Variants in HMX1 observed in about 807,000 individuals in gnomAD.
The protein encoded by HMX1 is H6 family homeobox 1, also known as homeobox protein HMX1.
Under a neutral mutation model 8.9 loss-of-function variants are expected in HMX1, and 8 were observed. That is an observed-to-expected ratio of 0.90 (90% CI 0.53 to 1.63). HMX1 has a LOEUF of 1.63. Ranked by LOEUF, HMX1 falls within the 40% of genes most tolerant of loss-of-function variation. HMX1 has a pLI of 0.00. For missense variants in HMX1, 621 were observed against 558.5 expected, an observed-to-expected ratio of 1.11 and a Z score of -1.13; for synonymous variants, 311 against 283.4, an observed-to-expected ratio of 1.10 and a Z score of -0.98.
In HMX1 at chr4:8,870,023, G is replaced by A. The variant is rs578215300; in HGVS notation, c.394+1198C>T. Among the ~76,000 whole-genome samples, 14 of 152,198 alleles carry A rather than the reference G, an allele frequency of 9.2e-5. No homozygotes were observed. The highest frequency in any genetic ancestry group is 6.2e-4 in the South Asian group (3 of 4,808). On this transcript the variant is annotated intron_variant, in intron 1 of 1. Coordinates refer to ENST00000400677, the MANE Select transcript of HMX1 (RefSeq NM_018942.3). The surrounding 1 kb of genome is among the most constrained non-coding windows in gnomAD (Gnocchi z 4.4). ...GGGTGGGGGCCTAGACTTCCTGAGT[G>A]TGGGTGCCGAGATGTGGGGGCTTTT...
intron 1 of HMX1, chr4:8,846,360 G>T: frequency 1.4e-6 from 2 of 1,466,114 alleles, no homozygotes; most frequent in Non-Finnish European, 9.2e-7. Flanking sequence ...GGGAGCACTA[G>T]TCATGTCTGC....
chr4:8,857,073 A>T (rs1721628674), intron 1 of HMX1, among the ~76,000 whole-genome samples: 1 of 152,202 alleles, frequency 6.6e-6, no homozygotes, highest in Non-Finnish European at 1.5e-5. Context: ...GACACAGCGG[A>T]CCATCTCAAT....
At chr4:8,852,244 A>C (rs1257291048) in intron 1 of HMX1, among the ~76,000 whole-genome samples, 1 of 152,254 alleles carries the variant, frequency 6.6e-6, no homozygotes, top group Admixed American at 6.5e-5. Flanking sequence ...CTCAGCCAGC[A>C]AGGCAGACAT....
At position 8,848,576 on chromosome 4, in the gene HMX1, G is replaced by A. The variant is rs1308012182; in HGVS notation, c.395-2252C>T. Among the ~76,000 whole-genome samples the A allele has an allele frequency of 5.5e-4, 84 of 152,326 alleles. 2 individuals carry two copies. The highest frequency in any genetic ancestry group is 1.0e-4 in the Non-Finnish European group (7 of 68,018). On this transcript the variant is annotated intron_variant, in intron 1 of 1. Coordinates refer to the HMX1 transcript ENST00000506970. This position sits in a 1 kb window ranked among gnomAD's most constrained non-coding sequence, Gnocchi z 4.1. ...GCCTGGGTCACACAGCATGTGGATG[G>A]AGCTGGGCCCATAACTTGGCACTTG...
chr4:8,856,506 G>C (rs186221265), intron 1 of HMX1, among the ~76,000 whole-genome samples: 122 of 152,188 alleles, frequency 8.0e-4, no homozygotes, highest in South Asian at 3.3e-3. Flanking sequence ...GAGGAAGAAG[G>C]GGGCACTAGG....
Position 8,867,714 on chromosome 4 carries a change from C to T in HMX1, c.1026G>A (p.Ala342=), listed in dbSNP as rs765203669. 3 of 1,276,520 alleles carry T rather than the reference C, an allele frequency of 2.4e-6. No individual in the cohort carries two copies. Among genetic ancestry groups the T allele is most frequent in the South Asian group, 2.9e-5 (1 of 33,978 alleles). The allele number at this position is 1,276,520 out of a possible 1,614,324, so 79.1% of individuals were successfully genotyped here. ...GGGCTCACACCAGGCCAGGCATCTGCGCCCGCAGAAAGGGCACGGAGGCGG... is the reference window on the plus strand; with the variant it reads ...GGGCTCACACCAGGCCAGGCATCTGTGCCCGCAGAAAGGGCACGGAGGCGG... The part of the protein sequence containing the change: ...PAAASVPFLR[A]QMPGLV The change falls in exon 2 of 2, where the codon GCG becomes GCA. Residue 342 remains alanine (A), a synonymous_variant. Transcript: ENST00000400677.
At chr4:8,861,812 G>T (rs1400693609) in intron 1 of HMX1, among the ~76,000 whole-genome samples, 1 of 152,244 alleles carries the variant, frequency 6.6e-6, no homozygotes, top group East Asian at 1.9e-4. Flanking sequence ...CGCACCTTTC[G>T]CGTGGGTCGG....
chr4:8,846,724 T>C (rs1246609278), intron 1 of HMX1, among the ~76,000 whole-genome samples: 1 of 151,210 alleles, frequency 6.6e-6, no homozygotes, highest in Non-Finnish European at 1.5e-5. Flanking sequence ...CCACCAGGCA[T>C]TGAACCATAC....
chr4:8,852,592 C>T (rs532714765), intron 1 of HMX1, among the ~76,000 whole-genome samples: 1 of 152,328 alleles, frequency 6.6e-6, no homozygotes, highest in South Asian at 2.1e-4. Flanking sequence ...ACCCCTGTGT[C>T]TGAGCTCACG....
In HMX1 at chr4:8,856,411, G is replaced by A. The variant is rs143073124; in HGVS notation, c.395-10087C>T. 2.2e-4 allele frequency among the ~76,000 whole-genome samples: 34 copies of A among 152,292 alleles called. No homozygotes were observed. The East Asian group carries it at 5.2e-3, about 23-fold the overall frequency. On this transcript the variant is annotated intron_variant, in intron 1 of 1. Coordinates refer to the HMX1 transcript ENST00000506970. The stretch of plus-strand genomic sequence containing the variant: ...GTAGTGGTTTATGCTCTTTGTAGAA[G>A]TGGAGGACATTTTAAGTTGTGTGCT...
At chr4:8,858,513 T>C (rs1038406815) in intron 1 of HMX1, among the ~76,000 whole-genome samples, 7 of 152,146 alleles carry the variant, frequency 4.6e-5, no homozygotes, top group African/African-American at 1.4e-4. Flanking sequence ...TTGAGCTCCT[T>C]TGAGTCCGGC....
intron 1 of HMX1, among the ~76,000 whole-genome samples, chr4:8,855,551 T>A (rs1375089526): frequency 6.6e-6 from 1 of 152,072 alleles, no homozygotes; most frequent in East Asian, 1.9e-4. Context: ...AGCTGCCGGG[T>A]GACCCACCAG....
At chr4:8,860,847 G>C (rs1471056081) in intron 1 of HMX1, 1 of 152,402 alleles carries the variant, frequency 6.6e-6, no homozygotes, top group Non-Finnish European at 1.5e-5. Flanking sequence ...GAGGGGTAAG[G>C]GGCCGGGTAG....
intron 1 of HMX1, among the ~76,000 whole-genome samples, chr4:8,854,943 CAT>C (rs1233387015): frequency 5.9e-5 from 9 of 152,250 alleles, no homozygotes; most frequent in African/African-American, 1.7e-4. Flanking sequence ...AATCCTAGCA[CAT>C]GAGAAGCACT....
At position 8,851,715 on chromosome 4, in the gene HMX1, G is replaced by A. The variant is rs192281144; in HGVS notation, c.395-5391C>T. 1.6e-4 allele frequency among the ~76,000 whole-genome samples: 24 copies of A among 152,314 alleles called. No homozygotes were observed. The South Asian group carries it at 1.7e-3, about 11-fold the overall frequency. On this transcript the variant is annotated intron_variant, in intron 1 of 1. Coordinates refer to the HMX1 transcript ENST00000506970. ...CTGTGGGCCAGTCACTGGGCCTCTC[G>A]GGGCCTCCATTTCTCCATCATAAAA...
In HMX1 at chr4:8,868,148, C is replaced by T. The variant is rs1226108876; in HGVS notation, c.592G>A (p.Val198Met). The change falls in exon 2 of 2, where the codon GTG becomes ATG. Residue 198 changes from valine (V) to methionine (M), a missense_variant. Transcript: ENST00000400677. This position sits in a 1 kb window ranked among gnomAD's most constrained non-coding sequence, Gnocchi z 4.6. ...AAGETRGGVG[V>M]GGGRKKKTRT... Reference sequence around the variant, plus strand: ...GTCTTCTTCTTTCGGCCGCCGCCCACGCCAACGCCGCCGCGTGTCTCCCCA... The same window carrying T: ...GTCTTCTTCTTTCGGCCGCCGCCCATGCCAACGCCGCCGCGTGTCTCCCCA... 3.3e-6 allele frequency: 5 copies of T among 1,505,970 alleles called. No homozygotes were observed. Among genetic ancestry groups the T allele is most frequent in the Admixed American group, 4.2e-5 (2 of 47,854 alleles). The allele number at this position is 1,505,970 out of a possible 1,614,324, so 93.3% of individuals were successfully genotyped here. A position where few individuals can be genotyped will look rare whatever the true frequency, so the allele number is the denominator to read the frequency against.
chr4:8,869,117 C>T (rs1269534394), intron 1 of HMX1, among the ~76,000 whole-genome samples: 1 of 152,218 alleles, frequency 6.6e-6, no homozygotes, highest in African/African-American at 2.4e-5. Context: ...AGTCCTGCCC[C>T]AAACACTTTC....
downstream of HMX1, among the ~76,000 whole-genome samples, chr4:8,863,412 C>G (rs995461704): frequency 1.3e-4 from 20 of 152,278 alleles, no homozygotes; most frequent in African/African-American, 4.8e-4. Context: ...CAGCCAGAGT[C>G]CAGAGCCTTC....
chr4:8,858,319 C>T (rs948899865), intron 1 of HMX1, among the ~76,000 whole-genome samples: 2 of 151,974 alleles, frequency 1.3e-5, no homozygotes, highest in African/African-American at 2.4e-5. Flanking sequence ...TCCGGAGAAG[C>T]AGAAAGAGAT....
Sources: gnomAD v4.1 joint callset for allele counts (sites outside exome capture counted in the v4.1 genomes callset) on GRCh38, gnomAD v4.1.1 for gene constraint, Gnocchi (gnomAD v3.1) non-coding constraint, MANE v1.5 for transcripts, NCBI Gene and HGNC (gene_info 2026-07-23, HGNC 2026-07-21) for gene names.